Variants in SMAP2 observed in about 807,000 individuals in gnomAD.
SMAP2 encodes the protein small ArfGAP2.
SMAP2 carries 25 observed loss-of-function variants against 56.4 expected under a neutral mutation model. That is an observed-to-expected ratio of 0.44 (90% confidence interval 0.32 to 0.62). The LOEUF (loss-of-function observed/expected upper bound fraction) is 0.62. Among genes scored for constraint, SMAP2 ranks in the 20% least tolerant of loss-of-function variants. SMAP2 has a pLI of 0.04. For synonymous variants in SMAP2, 157 were observed against 181.7 expected (o/e 0.86, Z 1.09); for missense variants, 388 against 545.6 (o/e 0.71, Z 2.88).
rs1031480202 is a variant in SMAP2, at chr1:40,408,977, C to T, written c.323+239C>T. 3.9e-5 allele frequency among the ~76,000 whole-genome samples: 6 copies of T among 152,244 alleles called. No individual in the cohort carries two copies. The highest frequency in any genetic ancestry group is 4.4e-5 in the Non-Finnish European group (3 of 68,044). On this transcript the variant is annotated intron_variant, in intron 3 of 9. Coordinates refer to ENST00000372718, the MANE Select transcript of SMAP2 (RefSeq NM_022733.3). The surrounding 1 kb of genome is among the most constrained non-coding windows in gnomAD (Gnocchi z 4.3). ...TCTGGAATTAAGACTGCAGTGATTT[C>T]ACTGTGAATTCTTCTATAAAGTTAC...
At chr1:40,419,124 A>G (rs1220972895) in intron 9 of SMAP2, among the ~76,000 whole-genome samples, 1 of 152,222 alleles carries the variant, frequency 6.6e-6, no homozygotes, top group Non-Finnish European at 1.5e-5. Flanking sequence ...GGAAAGAAGT[A>G]GAAATCGAAG....
chr1:40,347,241 T>TGTG (rs1553187325), intron 1 of SMAP2, among the ~76,000 whole-genome samples: 2 of 29,514 alleles, frequency 6.8e-5, no homozygotes, highest in African/African-American at 9.0e-4. Context: ...TGTGTGTGTG[T>TGTG]TTTGTTTTTG....
At chr1:40,391,624 A>G (rs1644717880) in intron 1 of SMAP2, among the ~76,000 whole-genome samples, 2 of 152,116 alleles carry the variant, frequency 1.3e-5, no homozygotes, top group African/African-American at 4.8e-5. Flanking sequence ...CTAGGGGAAA[A>G]AAATTCCTCG....
At chr1:40,389,095 G>A (rs1466477345) in intron 1 of SMAP2, among the ~76,000 whole-genome samples, 1 of 152,144 alleles carries the variant, frequency 6.6e-6, no homozygotes, top group Non-Finnish European at 1.5e-5. Flanking sequence ...CACTCACTGC[G>A]AGGGTCCACG....
rs750948390 is a variant in SMAP2 at position 40,374,160 on chromosome 1, G to T, written c.40G>T (p.Ala14Ser). The T allele has an allele frequency of 6.2e-7, 1 of 1,613,802 alleles. No homozygotes were observed. Among genetic ancestry groups the T allele is most frequent in the Non-Finnish European group, 8.5e-7 (1 of 1,179,854 alleles). The change falls in exon 1 of 10, where the codon GCT becomes TCT. Residue 14 changes from alanine to serine, a missense_variant. Coordinates refer to ENST00000372718, the MANE Select transcript of SMAP2 (RefSeq NM_022733.3). This position sits in a 1 kb window ranked among gnomAD's most constrained non-coding sequence, Gnocchi z 5.9. ...GGTGAAGGACGTGGATCGGTACCAG[G>T]CTGTCCTGGCCAACCTGCTGCTGGA... ...KSVKDVDRYQ[A>S]VLANLLLEED... is the part of the protein sequence containing the mutation.
At chr1:40,357,468 A>C (rs1230106795) in intron 1 of SMAP2, among the ~76,000 whole-genome samples, 5 of 144,056 alleles carry the variant, frequency 3.5e-5, no homozygotes, top group African/African-American at 1.3e-4. Flanking sequence ...AACAAACAAC[A>C]ACCACAAAAA....
intron 1 of SMAP2, among the ~76,000 whole-genome samples, chr1:40,351,460 G>T (rs1262361633): frequency 1.3e-5 from 2 of 152,076 alleles, no homozygotes; most frequent in African/African-American, 2.4e-5. Flanking sequence ...AGAATACAAT[G>T]ATTAACTCCT....
rs1033060185 is a variant in SMAP2 at position 40,385,364 on chromosome 1, T to C, written c.103+11141T>C. The stretch of plus-strand genomic sequence containing the variant: ...ATTCTGGTTTGCTTTTAAATACATA[T>C]AGAATACAGTTTATTTAAGTTCTGG... On this transcript the variant is annotated intron_variant, in intron 1 of 9. Coordinates refer to ENST00000372718, the MANE Select transcript of SMAP2 (RefSeq NM_022733.3). This position sits in a 1 kb window ranked among gnomAD's most constrained non-coding sequence, Gnocchi z 4.5. Among the ~76,000 whole-genome samples the C allele has an allele frequency of 6.6e-5, 10 of 152,178 alleles. No individual in the cohort carries two copies. Among genetic ancestry groups the C allele is most frequent in the Non-Finnish European group, 1.5e-4 (10 of 68,024 alleles).
chr1:40,399,566 G>A (rs1438426373), intron 1 of SMAP2, among the ~76,000 whole-genome samples: 1 of 150,114 alleles, frequency 6.7e-6, no homozygotes, highest in East Asian at 1.9e-4. Context: ...GCTGAGCGTG[G>A]TGGCTCATGC....
intron 1 of SMAP2, among the ~76,000 whole-genome samples, chr1:40,355,720 T>C (rs1386498723): frequency 1.3e-5 from 2 of 152,070 alleles, no homozygotes; most frequent in African/African-American, 4.8e-5. Flanking sequence ...CCTCCCAGGC[T>C]CAAGCAATCC....
chr1:40,398,057 T>C (rs1205708097), intron 1 of SMAP2, among the ~76,000 whole-genome samples: 1 of 152,176 alleles, frequency 6.6e-6, no homozygotes. Context: ...GTTTTGTTTT[T>C]ACGATATCTG....
At chr1:40,404,139 C>A (rs1644862897) in intron 1 of SMAP2, among the ~76,000 whole-genome samples, 1 of 152,106 alleles carries the variant, frequency 6.6e-6, no homozygotes, top group South Asian at 2.1e-4. Context: ...CACCATTTCC[C>A]CATGTTTTCA....
At chr1:40,349,641 C>T (rs1409332565) in intron 1 of SMAP2, among the ~76,000 whole-genome samples, 1 of 152,182 alleles carries the variant, frequency 6.6e-6, no homozygotes, top group Non-Finnish European at 1.5e-5. Context: ...GCCTCAGCCT[C>T]CCGAGTAGCT....
At chr1:40,350,895 AT>A (rs1644406808) in intron 1 of SMAP2, among the ~76,000 whole-genome samples, 1 of 152,182 alleles carries the variant, frequency 6.6e-6, no homozygotes, top group East Asian at 1.9e-4. Context: ...TTATCTTTGG[AT>A]TAAGAAACCT....
intron 2 of SMAP2, among the ~76,000 whole-genome samples, chr1:40,366,133 G>A (rs1221104534): frequency 1.3e-5 from 2 of 151,814 alleles, no homozygotes; most frequent in South Asian, 2.1e-4. Context: ...GAAATGAAGC[G>A]AGAAGGGAAG....
chr1:40,413,518 T>C (rs1266684283), intron 5 of SMAP2, among the ~76,000 whole-genome samples: 1 of 152,234 alleles, frequency 6.6e-6, no homozygotes, highest in African/African-American at 2.4e-5. Context: ...AAGTGATCCC[T>C]TCTTATGTTC....
At chr1:40,392,929 T>C (rs1644731275) in intron 1 of SMAP2, among the ~76,000 whole-genome samples, 1 of 151,926 alleles carries the variant, frequency 6.6e-6, no homozygotes, top group African/African-American at 2.4e-5. Context: ...GAAACCCCGC[T>C]GTCTCTACTA....
chr1:40,401,705 A>G (rs112134415), intron 1 of SMAP2, among the ~76,000 whole-genome samples: 1 of 152,220 alleles, frequency 6.6e-6, no homozygotes, highest in African/African-American at 2.4e-5. Flanking sequence ...CTCCGTATGT[A>G]GAAGCTGTCC....
At chr1:40,383,953 T>G (rs940983978) in intron 1 of SMAP2, among the ~76,000 whole-genome samples, 2 of 152,118 alleles carry the variant, frequency 1.3e-5, no homozygotes, top group African/African-American at 2.4e-5. Context: ...CTGGAGTGCT[T>G]TGATGCGATC....
Sources: gnomAD v4.1 joint callset for allele counts (sites outside exome capture counted in the v4.1 genomes callset) on GRCh38, gnomAD v4.1.1 for gene constraint, Gnocchi (gnomAD v3.1) non-coding constraint, MANE v1.5 for transcripts, NCBI Gene and HGNC (gene_info 2026-07-23, HGNC 2026-07-21) for gene names.